The following ABCC6 variants were observed in gnomAD, a reference collection of about 807,000 sequenced individuals.
The protein encoded by ABCC6 is ATP-binding cassette sub-family C member 6.
A neutral mutation model predicts 169.5 loss-of-function variants in ABCC6; 126 were observed. That is an observed-to-expected ratio of 0.74 (90% CI 0.64 to 0.86). ABCC6 has a LOEUF of 0.86. Ranked by LOEUF, ABCC6 falls within the 40% of genes least tolerant of loss-of-function variation. The pLI, the probability that ABCC6 is intolerant of heterozygous loss-of-function variation, is 0.00. For missense variants in ABCC6, 1,733 were observed against 1,927.2 expected, an observed-to-expected ratio of 0.90 and a Z score of 1.89; for synonymous variants, 752 against 814.7, an observed-to-expected ratio of 0.92 and a Z score of 1.31.
chr16:16,175,470 T>C (rs890876426), intron 20 of ABCC6, among the ~76,000 whole-genome samples: 14 of 152,202 alleles, frequency 9.2e-5, no homozygotes, highest in Non-Finnish European at 1.9e-4. Flanking sequence ...GGCCTCCTCC[T>C]GGCCCCTTGC....
chr16:16,193,580 G>C (rs2047937283), intron 10 of ABCC6, among the ~76,000 whole-genome samples: 1 of 152,106 alleles, frequency 6.6e-6, no homozygotes, highest in Non-Finnish European at 1.5e-5. Context: ...CAGGTGTGGT[G>C]GTGGGCACCT....
intron 29 of ABCC6, among the ~76,000 whole-genome samples, chr16:16,153,032 G>A (rs900213804): frequency 4.1e-4 from 62 of 151,988 alleles, no homozygotes; most frequent in African/African-American, 1.1e-3. Context: ...AGCCTCCCAC[G>A]TAACTGGGAT....
chr16:16,167,631 G>A (rs1352755824), intron 22 of ABCC6, among the ~76,000 whole-genome samples: 8 of 152,124 alleles, frequency 5.3e-5, no homozygotes, highest in Non-Finnish European at 8.8e-5. Flanking sequence ...ACCATGCCTG[G>A]CTAATTTTTG....
rs377695659 is a variant in ABCC6, at chr16:16,150,099, C to T, written c.*34G>A. ...TCTCCAGCACTGCAGGCTGTGCGGG[C>T]TGGTCCAACTGGGGTACGGTTGAGG... On this transcript the variant is annotated 3_prime_UTR_variant, in exon 31 of 31. Coordinates refer to ENST00000205557, the MANE Select transcript of ABCC6 (RefSeq NM_001171.6). 1.9e-4 allele frequency: 304 copies of T among 1,610,840 alleles called. No homozygotes were observed. The highest frequency in any genetic ancestry group is 8.8e-4 in the Middle Eastern group (4 of 4,546).
intron 29 of ABCC6, among the ~76,000 whole-genome samples, chr16:16,152,330 C>T (rs1013297857): frequency 3.3e-5 from 5 of 151,702 alleles, no homozygotes; most frequent in African/African-American, 9.7e-5. Context: ...CAGGTGGGAA[C>T]TGACCCCTGG....
intron 17 of ABCC6, among the ~76,000 whole-genome samples, chr16:16,179,259 C>T (rs976868718): frequency 3.9e-5 from 6 of 152,224 alleles, no homozygotes; most frequent in Admixed American, 3.9e-4. Flanking sequence ...TTGAGTCCAA[C>T]TCTTGTTTCC....
chr16:16,149,998 A>AT lies in ABCC6; in HGVS notation c.*134dup. 1.4e-6 allele frequency: 2 copies of AT among 1,383,084 alleles called. No homozygotes were observed. The highest frequency in any genetic ancestry group is 1.0e-6 in the Non-Finnish European group (1 of 997,920). The allele number at this position is 1,383,084 out of a possible 1,614,324, so 85.7% of individuals were successfully genotyped here. A position where few individuals can be genotyped will look rare whatever the true frequency, so the allele number is the denominator to read the frequency against. Reference sequence around the variant, plus strand: ...GTGATAATTGGCCACTTTCTCTGCCATTTTCCTCCCAGAGAGCAAACACAG... The same window carrying AT: ...GTGATAATTGGCCACTTTCTCTGCCATTTTTCCTCCCAGAGAGCAAACACAG... On this transcript the variant is annotated 3_prime_UTR_variant, in exon 31 of 31. Coordinates refer to ENST00000205557, the MANE Select transcript of ABCC6 (RefSeq NM_001171.6).
At chr16:16,169,530 T>C in intron 22 of ABCC6, 116 bp downstream of exon 22, 1 of 1,256,904 alleles carries the variant, frequency 8.0e-7, no homozygotes, top group Non-Finnish European at 1.1e-6. Context: ...ACCCCAGACG[T>C]TTTGCACACT....
intron 10 of ABCC6, 38 bp from the exon 11 acceptor site, chr16:16,192,960 G>A: frequency 1.3e-6 from 2 of 1,576,208 alleles, no homozygotes; most frequent in South Asian, 1.1e-5. Context: ...GAGATCCCGA[G>A]GAGCCCAGCT....
At position 16,157,753 on chromosome 16, in the gene ABCC6, C is replaced by T; in HGVS notation, c.3792G>A (p.Gln1264=). ...AAQPPWPQGG[Q]IEFRDFGLRY... The stretch of plus-strand genomic sequence containing the variant: ...TTAGCCCAAAGTCCCGGAACTCGAT[C>T]TGCCCGCCCTGAGGCCAGGGGGGCT... The change falls in exon 27 of 31, where the codon CAG becomes CAA. Residue 1264 remains glutamine, a synonymous_variant. Transcript: ENST00000205557. 2 of 1,613,884 alleles carry T rather than the reference C, an allele frequency of 1.2e-6. No individual in the cohort carries two copies. Among genetic ancestry groups the T allele is most frequent in the Non-Finnish European group, 1.7e-6 (2 of 1,179,982 alleles).
chr16:16,178,035 AAAAT>A (rs2047340496), intron 18 of ABCC6, among the ~76,000 whole-genome samples: 1 of 149,866 alleles, frequency 6.7e-6, no homozygotes, highest in African/African-American at 2.5e-5. Flanking sequence ...AAAGAAAAAA[AAAAT>A]GTACGGCCGA....
At chr16:16,188,687 C>T in intron 13 of ABCC6, 144 bp downstream of exon 13, 1 of 1,201,946 alleles carries the variant, frequency 8.3e-7, no homozygotes, top group Non-Finnish European at 1.2e-6. Flanking sequence ...TTGCCCCTAC[C>T]CGCCTCTTTT....
chr16:16,192,743 C>T (rs2152272679), intron 11 of ABCC6, 87 bp downstream of exon 11: 6 of 1,296,252 alleles, frequency 4.6e-6, no homozygotes, highest in African/African-American at 2.9e-5. Context: ...GGCTCGCACT[C>T]AGCTCTCCCC....
intron 11 of ABCC6, among the ~76,000 whole-genome samples, chr16:16,191,185 G>A (rs988941653): frequency 8.6e-5 from 13 of 151,932 alleles, no homozygotes; most frequent in African/African-American, 2.4e-4. Flanking sequence ...GTGTGGTCTC[G>A]GCTCACTGTA....
rs1445084199 is a variant in ABCC6 at position 16,182,564 on chromosome 16, C to T, written c.2095G>A (p.Glu699Lys). 6.8e-6 allele frequency: 11 copies of T among 1,612,906 alleles called. No homozygotes were observed. Among genetic ancestry groups the T allele is most frequent in the Admixed American group, 3.3e-5 (2 of 59,982 alleles). The change falls in exon 17 of 31, where the codon GAG becomes AAG. Residue 699 changes from glutamate (E) to lysine (K), a missense_variant. Around this residue, in one of 5 missense-constraint regions of ABCC6, gnomAD observed 1,601 missense variants for 1,635.5 expected, o/e 0.98. Transcript: ENST00000205557. Reference sequence around the variant, plus strand: ...ACAGAGGTGTTCTGCACCCAGGCCTCCTGGGGCACGTAGGCCACAGCACCC... The same window carrying T: ...ACAGAGGTGTTCTGCACCCAGGCCTTCTGGGGCACGTAGGCCACAGCACCC... ...IEGAVAYVPQ[E>K]AWVQNTSVVE...
chr16:16,192,940 A>G lies in ABCC6; in HGVS notation c.1339-18T>C. The G allele has an allele frequency of 6.2e-7, 1 of 1,607,852 alleles. No homozygotes were observed. The highest frequency in any genetic ancestry group is 2.2e-5 in the East Asian group (1 of 44,848). On this transcript the variant is annotated intron_variant, in intron 10 of 30. Transcript: ENST00000205557. Reference sequence around the variant, plus strand: ...CCCAGGAGCTGGGGATAGAAGGGGCAGGATGTCAGGAGATCCCGAGGAGCC... The same window carrying G: ...CCCAGGAGCTGGGGATAGAAGGGGCGGGATGTCAGGAGATCCCGAGGAGCC...
chr16:16,165,592 G>C lies in ABCC6; in HGVS notation c.3306+31C>G, dbSNP rs372386406. ...GGGACTGGCTGAGTTGACCTCAGCC[G>C]GTCCCGGAAGCCTCCCTGACCTCTC... is the stretch of plus-strand genomic sequence containing the variant. On this transcript the variant is annotated intron_variant, in intron 23 of 30. Coordinates refer to ENST00000205557, the MANE Select transcript of ABCC6 (RefSeq NM_001171.6). The C allele has an allele frequency of 5.6e-6, 9 of 1,611,426 alleles. No individual in the cohort carries two copies. The South Asian group carries it at 8.8e-5, about 16-fold the overall frequency.
intron 20 of ABCC6, among the ~76,000 whole-genome samples, chr16:16,174,763 C>CG (rs1290252381): frequency 7.7e-6 from 1 of 129,036 alleles, no homozygotes; most frequent in Non-Finnish European, 1.7e-5. Context: ...TCTCAAAACC[C>CG]CCCCCCGCAA....
At chr16:16,160,641 A>C (rs1251249033) in intron 25 of ABCC6, among the ~76,000 whole-genome samples, 1 of 150,016 alleles carries the variant, frequency 6.7e-6, no homozygotes, top group African/African-American at 2.4e-5. Flanking sequence ...AAAAAAAAAA[A>C]AAAAAAAAAA....
Sources: gnomAD v4.1 joint callset for allele counts (sites outside exome capture counted in the v4.1 genomes callset) on GRCh38, gnomAD v4.1.1 for gene constraint, gnomAD v4.1.1 regional missense constraint, MANE v1.5 for transcripts, NCBI Gene and HGNC (gene_info 2026-07-23, HGNC 2026-07-21) for gene names.